Variants in IGF2BP2 observed in about 807,000 individuals in gnomAD.
IGF2BP2 encodes the protein insulin-like growth factor 2 mRNA-binding protein 2.
A neutral mutation model predicts 75.8 loss-of-function variants in IGF2BP2; 17 were observed. That is an observed-to-expected ratio of 0.22 (90% CI 0.15 to 0.34). The LOEUF (loss-of-function observed/expected upper bound fraction) is 0.34, where lower values mean the gene tolerates loss of function less well. Ranked by LOEUF, IGF2BP2 falls within the 10% of genes least tolerant of loss-of-function variation. The pLI, the probability that IGF2BP2 is intolerant of heterozygous loss-of-function variation, is 1.00. For missense variants in IGF2BP2, 516 were observed against 772.4 expected, an observed-to-expected ratio of 0.67 and a Z score of 3.93; for synonymous variants, 288 against 295.6, an observed-to-expected ratio of 0.97 and a Z score of 0.26.
At chr3:185,725,231 CTTTG>C (rs1324488428) in intron 2 of IGF2BP2, among the ~76,000 whole-genome samples, 4 of 152,288 alleles carry the variant, frequency 2.6e-5, no homozygotes, top group Admixed American at 6.5e-5. Flanking sequence ...TTTTATGCCA[CTTTG>C]TTTGGGTTTG....
chr3:185,651,009 A>G (rs1714505588), intron 13 of IGF2BP2, among the ~76,000 whole-genome samples: 2 of 152,190 alleles, frequency 1.3e-5, no homozygotes, highest in Admixed American at 6.5e-5. Flanking sequence ...TCTGGGTTCA[A>G]GTGATCCTCC....
At chr3:185,762,171 T>A (rs1449964134) in intron 2 of IGF2BP2, among the ~76,000 whole-genome samples, 2 of 152,024 alleles carry the variant, frequency 1.3e-5, no homozygotes, top group South Asian at 4.1e-4. Flanking sequence ...GCAGATCACC[T>A]GAGGTCAAGA....
intron 7 of IGF2BP2, among the ~76,000 whole-genome samples, chr3:185,682,018 T>C (rs1302280318): frequency 1.3e-5 from 2 of 152,230 alleles, no homozygotes; most frequent in African/African-American, 2.4e-5. Flanking sequence ...GGTTTCACCA[T>C]GATACCAAAA....
At chr3:185,797,897 T>TAAAAA (rs35850351) in intron 2 of IGF2BP2, among the ~76,000 whole-genome samples, 1 of 90,358 alleles carries the variant, frequency 1.1e-5, no homozygotes, top group Non-Finnish European at 2.1e-5. Context: ...CCCTGTCTCT[T>TAAAAA]AAAAAAAAAA....
rs1220769490 is a variant in IGF2BP2, at chr3:185,657,290, A to G, written c.1382T>C (p.Ile461Thr). Reference protein sequence around the residue: ...KQLARFAGASIKIAPAEGPDV... With the variant: ...KQLARFAGASTKIAPAEGPDV... ...GGCCGTCAGGAGCAGCCTCACCTTG[A>G]TAGAGGCTCCGGCGAATCTCGCCAG... The change falls in exon 12 of 16, where the codon ATC becomes ACC. Residue 461 changes from isoleucine (I) to threonine (T), a missense_variant. Coordinates refer to ENST00000382199, the MANE Select transcript of IGF2BP2 (RefSeq NM_006548.6). 1 of 1,610,196 alleles carries G rather than the reference A, an allele frequency of 6.2e-7. No individual in the cohort carries two copies. The highest frequency in any genetic ancestry group is 8.5e-7 in the Non-Finnish European group (1 of 1,177,096).
intron 2 of IGF2BP2, among the ~76,000 whole-genome samples, chr3:185,787,247 C>T (rs1184243579): frequency 2.6e-5 from 4 of 151,948 alleles, no homozygotes; most frequent in Non-Finnish European, 4.4e-5. Context: ...ATGTAGTTAA[C>T]GCTCCTGAGT....
intron 2 of IGF2BP2, chr3:185,717,181 G>C (rs1309485933): frequency 5.5e-6 from 1 of 181,172 alleles, no homozygotes; most frequent in East Asian, 1.4e-4. Context: ...CTGAGGGCTG[G>C]GCACCCCGGT....
At chr3:185,713,441 T>C in intron 2 of IGF2BP2, 1 of 520,042 alleles carries the variant, frequency 1.9e-6, no homozygotes, top group Middle Eastern at 3.2e-4. Context: ...GCAACACCAC[T>C]AGATAACTGT....
At chr3:185,646,738 A>G (rs189432336) in intron 15 of IGF2BP2, 1 of 413,318 alleles carries the variant, frequency 2.4e-6, no homozygotes, top group East Asian at 5.0e-5. Flanking sequence ...CCATGCCCTT[A>G]AACACTGCAG....
At chr3:185,807,230 G>A (rs1739145350) in intron 2 of IGF2BP2, among the ~76,000 whole-genome samples, 1 of 152,144 alleles carries the variant, frequency 6.6e-6, no homozygotes, top group Non-Finnish European at 1.5e-5. Flanking sequence ...AAAAGGTGAA[G>A]TAATTGAATC....
intron 2 of IGF2BP2, among the ~76,000 whole-genome samples, chr3:185,706,413 G>C (rs1186532926): frequency 1.3e-5 from 2 of 151,972 alleles, no homozygotes; most frequent in South Asian, 2.1e-4. Context: ...TCTCTCTCTA[G>C]CAAAAATAAA....
chr3:185,692,103 G>A (rs1301543863), intron 5 of IGF2BP2, among the ~76,000 whole-genome samples: 1 of 152,140 alleles, frequency 6.6e-6, no homozygotes, highest in Non-Finnish European at 1.5e-5. Flanking sequence ...CATCCCTGAA[G>A]TAATGAATGG....
At position 185,683,588 on chromosome 3, in the gene IGF2BP2, T is replaced by C. The variant is rs141710619; in HGVS notation, c.812+3469A>G. 8.5e-4 allele frequency among the ~76,000 whole-genome samples: 129 copies of C among 152,198 alleles called. 2 individuals carry two copies. The East Asian group carries it at 0.012, about 15-fold the overall frequency. ...AACACCTGGCTAATTTCTGTATTTT[T>C]AGTAGAGACGAGGTTTCACCATGTT... On this transcript the variant is annotated intron_variant, in intron 7 of 15. Coordinates refer to ENST00000382199, the MANE Select transcript of IGF2BP2 (RefSeq NM_006548.6).
chr3:185,809,745 G>A (rs1739545727), intron 2 of IGF2BP2, among the ~76,000 whole-genome samples: 1 of 152,004 alleles, frequency 6.6e-6, no homozygotes, highest in Non-Finnish European at 1.5e-5. Flanking sequence ...CCTCCATTCT[G>A]AAAATACAGA....
chr3:185,772,872 G>A (rs376003650), intron 2 of IGF2BP2, among the ~76,000 whole-genome samples: 120 of 152,154 alleles, frequency 7.9e-4, no homozygotes, highest in African/African-American at 2.4e-3. Context: ...GTGAGCCACC[G>A]TGCCCGGCCC....
intron 2 of IGF2BP2, among the ~76,000 whole-genome samples, chr3:185,780,061 T>C (rs1162321764): frequency 6.6e-6 from 1 of 152,200 alleles, no homozygotes; most frequent in Non-Finnish European, 1.5e-5. Flanking sequence ...AGCCAGATCA[T>C]GGAAAGTTCT....
intron 2 of IGF2BP2, among the ~76,000 whole-genome samples, chr3:185,766,708 T>C (rs991106942): frequency 3.3e-5 from 5 of 152,246 alleles, no homozygotes; most frequent in Admixed American, 2.0e-4. Context: ...TACTTTTTAC[T>C]GATTTCATTT....
chr3:185,674,606 G>A (rs1245843930), intron 9 of IGF2BP2, among the ~76,000 whole-genome samples: 1 of 152,144 alleles, frequency 6.6e-6, no homozygotes, highest in Non-Finnish European at 1.5e-5. Context: ...ATCTAAAAGT[G>A]CAGATCAGCA....
intron 2 of IGF2BP2, among the ~76,000 whole-genome samples, chr3:185,808,289 A>G (rs1330128839): frequency 6.6e-6 from 1 of 150,420 alleles, no homozygotes; most frequent in African/African-American, 2.5e-5. Context: ...CAGCCTGCCA[A>G]CATGGTGAAA....
Sources: gnomAD v4.1 joint callset for allele counts (sites outside exome capture counted in the v4.1 genomes callset) on GRCh38, gnomAD v4.1.1 for gene constraint, MANE v1.5 for transcripts, NCBI Gene and HGNC (gene_info 2026-07-23, HGNC 2026-07-21) for gene names.